Variants in AFF2 observed in about 807,000 individuals in gnomAD.
AFF2 encodes AF4/FMR2 family member 2.
A neutral mutation model predicts 76.9 loss-of-function variants in AFF2; 14 were observed. The observed-to-expected ratio is 0.18, with a 90% CI of 0.12 to 0.28. The LOEUF (loss-of-function observed/expected upper bound fraction) is 0.28, where lower values mean the gene tolerates loss of function less well. AFF2 is among the 10% of genes least tolerant of loss of function. The pLI is 1.00. For synonymous variants in AFF2, 398 were observed against 366.7 expected, an observed-to-expected ratio of 1.09 and a Z score of -0.98; for missense variants, 868 against 1,001.1, an observed-to-expected ratio of 0.87 and a Z score of 1.79.
At position 148,953,625 on chromosome X, in the gene AFF2, C is replaced by T. The variant is rs782061672; in HGVS notation, c.1443C>T (p.Ser481=). 10 of 1,209,614 alleles carry T rather than the reference C, an allele frequency of 8.3e-6. No homozygotes were observed. The Admixed American group carries it at 1.3e-4, about 16-fold the overall frequency. ...AGCCCCCACCTGCAGTGCAAGCCAG[C>T]GGGGGTTCTGGCAGCTCCAGCGAAT... ...TPQPPPAVQA[S]GGSGSSSESE... Residue 481 remains serine, a synonymous_variant, in exon 10 of 21, where the codon AGC becomes AGT. Coordinates refer to ENST00000370460, the MANE Select transcript of AFF2 (RefSeq NM_002025.4).
At chrX:148,668,936 A>G (rs2054390375) in intron 3 of AFF2, among the ~76,000 whole-genome samples, 1 of 112,386 alleles carries the variant, frequency 8.9e-6, no homozygotes, top group Non-Finnish European at 1.9e-5. Flanking sequence ...GTCAAGCTGC[A>G]AATTTTCCAA....
At chrX:148,909,300 A>T (rs1210768077) in intron 9 of AFF2, among the ~76,000 whole-genome samples, 2 of 112,064 alleles carry the variant, frequency 1.8e-5, no homozygotes, top group Admixed American at 1.9e-4. Flanking sequence ...TAGCCTTCCA[A>T]ATTGTGTGTA....
intron 7 of AFF2, among the ~76,000 whole-genome samples, chrX:148,862,927 G>T (rs781926879): frequency 1.8e-5 from 2 of 111,736 alleles, no homozygotes; most frequent in South Asian, 7.5e-4. Context: ...CCAAAATATT[G>T]TTGGGTAGCA....
At chrX:148,869,694 T>C (rs2070949222) in intron 7 of AFF2, among the ~76,000 whole-genome samples, 1 of 112,144 alleles carries the variant, frequency 8.9e-6, no homozygotes, top group South Asian at 3.7e-4. Flanking sequence ...GTACCACAAG[T>C]TGGAAGGCTT....
At chrX:148,553,249 T>C (rs1480290048) in intron 1 of AFF2, among the ~76,000 whole-genome samples, 2 of 111,840 alleles carry the variant, frequency 1.8e-5, no homozygotes, top group Non-Finnish European at 3.8e-5. Flanking sequence ...CTCTGTCCAA[T>C]AGCAATATAA....
chrX:148,671,558 C>CT (rs1392689131), intron 3 of AFF2, among the ~76,000 whole-genome samples: 1 of 111,286 alleles, frequency 9.0e-6, no homozygotes, highest in Non-Finnish European at 1.9e-5. Flanking sequence ...AAGCCCAAAC[C>CT]TATCTTGTTT....
At chrX:148,693,624 T>A (rs1212916193) in intron 3 of AFF2, among the ~76,000 whole-genome samples, 2 of 112,146 alleles carry the variant, frequency 1.8e-5, no homozygotes, top group East Asian at 5.6e-4. Flanking sequence ...TTCAGTTGAC[T>A]CAACTTGATG....
intron 13 of AFF2, among the ~76,000 whole-genome samples, chrX:148,966,337 A>G (rs1169025659): frequency 1.8e-5 from 2 of 111,271 alleles, no homozygotes; most frequent in African/African-American, 6.6e-5. Flanking sequence ...TACCCTAGAG[A>G]AAGCTTCTGG....
chrX:148,670,474 G>A (rs782327092), intron 3 of AFF2, among the ~76,000 whole-genome samples: 114 of 111,881 alleles, frequency 1.0e-3, no homozygotes, highest in South Asian at 3.4e-3. Flanking sequence ...AAGGGGAAGT[G>A]AGTAAAATGT....
At chrX:148,916,189 G>T (rs1557282544) in intron 9 of AFF2, among the ~76,000 whole-genome samples, 1 of 86,587 alleles carries the variant, frequency 1.2e-5, no homozygotes, top group East Asian at 3.7e-4. Flanking sequence ...TTTGAATGTG[G>T]TTTTAACTTT....
chrX:148,693,594 C>T (rs1249600269), intron 3 of AFF2, among the ~76,000 whole-genome samples: 1 of 112,142 alleles, frequency 8.9e-6, no homozygotes, highest in Non-Finnish European at 1.9e-5. Context: ...CTGATATATG[C>T]TTCTTTTGCT....
intron 4 of AFF2, among the ~76,000 whole-genome samples, chrX:148,828,121 G>A (rs985206492): frequency 8.9e-6 from 1 of 111,816 alleles, no homozygotes; most frequent in Non-Finnish European, 1.9e-5. Context: ...TGTAGTTGAC[G>A]GCAAAATAAT....
At chrX:148,672,336 G>C (rs994767197) in intron 3 of AFF2, among the ~76,000 whole-genome samples, 3 of 111,961 alleles carry the variant, frequency 2.7e-5, no homozygotes, top group Non-Finnish European at 3.8e-5. Flanking sequence ...GTCTTATCTT[G>C]ATCCAGTTCT....
intron 7 of AFF2, among the ~76,000 whole-genome samples, chrX:148,863,785 G>T (rs2070875887): frequency 1.8e-5 from 2 of 111,405 alleles, no homozygotes; most frequent in Non-Finnish European, 3.8e-5. Context: ...AAAATGGGTA[G>T]GGTGGGAACA....
intron 3 of AFF2, among the ~76,000 whole-genome samples, chrX:148,759,708 A>G (rs2069417610): frequency 8.9e-6 from 1 of 111,962 alleles, no homozygotes; most frequent in Non-Finnish European, 1.9e-5. Flanking sequence ...AAGGATCATT[A>G]TGTTATCCTA....
chrX:148,778,222 A>C (rs1259457294), intron 3 of AFF2, among the ~76,000 whole-genome samples: 3 of 111,535 alleles, frequency 2.7e-5, no homozygotes, highest in African/African-American at 9.8e-5. Flanking sequence ...GTGGTGGATA[A>C]GCTTTTTGAT....
chrX:148,854,908 C>T lies in AFF2; in HGVS notation c.1262+11475C>T, dbSNP rs782418587. On this transcript the variant is annotated intron_variant, in intron 7 of 20. Coordinates refer to ENST00000370460, the MANE Select transcript of AFF2 (RefSeq NM_002025.4). ...GCCTTTTTCTTTTCTTTATTTTTTT[C>T]GACATTCTTATAAAAGGATTTTGAT... 6.4e-5 allele frequency among the ~76,000 whole-genome samples: 7 copies of T among 110,223 alleles called. No individual in the cohort carries two copies. The East Asian group carries it at 8.6e-4, about 14-fold the overall frequency.
chrX:148,654,785 C>T (rs1869776525), intron 2 of AFF2, among the ~76,000 whole-genome samples: 1 of 108,378 alleles, frequency 9.2e-6, no homozygotes, highest in South Asian at 4.0e-4. Flanking sequence ...CCATTTTCTG[C>T]AGAAAATGGA....
At chrX:148,577,927 T>C (rs1224697349) in intron 1 of AFF2, among the ~76,000 whole-genome samples, 6 of 112,501 alleles carry the variant, frequency 5.3e-5, no homozygotes, top group African/African-American at 1.9e-4. Flanking sequence ...ACTGCATCGC[T>C]GGCCAGGCTT....
Sources: allele counts gnomAD v4.1 joint callset (sites outside exome capture counted in the v4.1 genomes callset), GRCh38; gene constraint gnomAD v4.1.1; transcripts MANE v1.5; gene names NCBI Gene and HGNC (gene_info 2026-07-23, HGNC 2026-07-21).